SERINC5: variants seen among roughly 807,000 people sequenced by gnomAD.
The protein encoded by SERINC5 is serine incorporator 5.
Under a neutral mutation model 63.1 loss-of-function variants are expected in SERINC5, and 41 were observed. The ratio of observed to expected loss-of-function variants is 0.65; its 90% confidence interval spans 0.51 to 0.84. SERINC5 has a LOEUF of 0.84. SERINC5 is among the 40% of genes least tolerant of loss of function. SERINC5 has a pLI of 0.00. For synonymous variants in SERINC5, 222 were observed against 215.2 expected (o/e 1.03, Z -0.28); for missense variants, 523 against 573.0 (o/e 0.91, Z 0.89).
At chr5:80,183,895 C>G (rs1447921659) in intron 2 of SERINC5, among the ~76,000 whole-genome samples, 1 of 142,240 alleles carries the variant, frequency 7.0e-6, no homozygotes, top group African/African-American at 3.1e-5. Context: ...CACCGACGCG[C>G]ATGAAAGGAA....
At chr5:80,191,479 C>CAAAAAAAAAAAAAAAA (rs1167390197) in intron 2 of SERINC5, among the ~76,000 whole-genome samples, 1 of 38,536 alleles carries the variant, frequency 2.6e-5, no homozygotes, top group Non-Finnish European at 6.0e-5. Flanking sequence ...TCCATCTCTA[C>CAAAAAAAAAAAAAAAA]AAAAAAAAAA....
At chr5:80,244,074 G>T (rs1752060054) in intron 1 of SERINC5, among the ~76,000 whole-genome samples, 1 of 152,074 alleles carries the variant, frequency 6.6e-6, no homozygotes. Context: ...TTTAGGCCCA[G>T]CCCAGACCTC....
chr5:80,249,718 C>T (rs1011469684), intron 1 of SERINC5, among the ~76,000 whole-genome samples: 2 of 150,994 alleles, frequency 1.3e-5, no homozygotes, highest in Non-Finnish European at 3.0e-5. Flanking sequence ...AGGAGAACTG[C>T]TTGAACCTGG....
downstream of SERINC5, among the ~76,000 whole-genome samples, chr5:80,136,617 A>T (rs1745188576): frequency 6.6e-6 from 1 of 152,180 alleles, no homozygotes; most frequent in Non-Finnish European, 1.5e-5. Flanking sequence ...ATTACATCAA[A>T]CTGAAAAGCT....
chr5:80,236,590 A>T (rs1422383021), intron 1 of SERINC5, among the ~76,000 whole-genome samples: 1 of 146,984 alleles, frequency 6.8e-6, no homozygotes, highest in East Asian at 2.0e-4. Context: ...GTGCCATGGC[A>T]GCTCGGCTCA....
intron 2 of SERINC5, among the ~76,000 whole-genome samples, chr5:80,184,037 G>A (rs959587045): frequency 2.0e-5 from 3 of 152,072 alleles, no homozygotes; most frequent in Non-Finnish European, 2.9e-5. Context: ...TATGGTAGGG[G>A]ACACACACAA....
downstream of SERINC5, chr5:80,111,564 C>G (rs1744108752): frequency 6.6e-6 from 1 of 152,154 alleles, no homozygotes; most frequent in African/African-American, 2.4e-5. Context: ...CTTGCCACAG[C>G]ATGTTATCAG....
chr5:80,157,534 T>C (rs891368555), intron 8 of SERINC5: 1 of 46,292 alleles, frequency 2.2e-5, no homozygotes, highest in African/African-American at 9.4e-5. Flanking sequence ...TTTTTTTTTT[T>C]TTCGTAGAAA....
At chr5:80,206,111 A>G (rs1750151045) in intron 1 of SERINC5, among the ~76,000 whole-genome samples, 1 of 152,282 alleles carries the variant, frequency 6.6e-6, no homozygotes, top group East Asian at 1.9e-4. Flanking sequence ...CAACAGGGCA[A>G]TGCTACAAGA....
intron 2 of SERINC5, among the ~76,000 whole-genome samples, chr5:80,197,564 C>T (rs1011493431): frequency 3.3e-5 from 5 of 152,214 alleles, no homozygotes; most frequent in Admixed American, 2.6e-4. Context: ...ATATCTATGG[C>T]TCTTCCTACA....
At chr5:80,171,198 G>A (rs543508586) in intron 5 of SERINC5, among the ~76,000 whole-genome samples, 3 of 152,002 alleles carry the variant, frequency 2.0e-5, no homozygotes, top group Admixed American at 6.5e-5. Context: ...TAGTAAAGAC[G>A]GGGTTTCACC....
At chr5:80,132,652 T>C (rs1744994782) in intron 11 of SERINC5, among the ~76,000 whole-genome samples, 1 of 151,890 alleles carries the variant, frequency 6.6e-6, no homozygotes, top group South Asian at 2.1e-4. Flanking sequence ...TTTTGTAGAG[T>C]CAAGATCTCA....
At chr5:80,208,408 TATAA>T (rs1750273849) in intron 1 of SERINC5, among the ~76,000 whole-genome samples, 2 of 149,760 alleles carry the variant, frequency 1.3e-5, no homozygotes. Context: ...TTTTTAAAAA[TATAA>T]ATAAATAAAT....
At chr5:80,174,652 C>T (rs1747904453) in intron 5 of SERINC5, among the ~76,000 whole-genome samples, 1 of 151,740 alleles carries the variant, frequency 6.6e-6, no homozygotes, top group African/African-American at 2.4e-5. Flanking sequence ...GCCTGTAATC[C>T]CAGCACTTTG....
At chr5:80,242,409 G>A (rs1751980063) in intron 1 of SERINC5, among the ~76,000 whole-genome samples, 1 of 152,074 alleles carries the variant, frequency 6.6e-6, no homozygotes, top group African/African-American at 2.4e-5. Context: ...TTTGAGGTCA[G>A]GAGTTCGAGA....
At chr5:80,149,758 T>A (rs1030603117) in intron 9 of SERINC5, among the ~76,000 whole-genome samples, 1 of 152,162 alleles carries the variant, frequency 6.6e-6, no homozygotes, top group East Asian at 1.9e-4. Flanking sequence ...TTAAGTGAAA[T>A]CACATAGGAA....
chr5:80,231,918 T>A (rs532187173), intron 1 of SERINC5, among the ~76,000 whole-genome samples: 4 of 149,988 alleles, frequency 2.7e-5, no homozygotes, highest in African/African-American at 9.9e-5. Flanking sequence ...CTGGGCAACA[T>A]AGTGAGATCC....
At chr5:80,210,732 C>T (rs773383600) in intron 1 of SERINC5, among the ~76,000 whole-genome samples, 10 of 152,198 alleles carry the variant, frequency 6.6e-5, no homozygotes, top group Admixed American at 1.3e-4. Flanking sequence ...TAAGCCACAG[C>T]AACCAAGAGG....
intron 1 of SERINC5, among the ~76,000 whole-genome samples, chr5:80,216,549 C>T (rs1750672663): frequency 6.6e-6 from 1 of 152,096 alleles, no homozygotes; most frequent in Non-Finnish European, 1.5e-5. Context: ...TTCACTGGCA[C>T]CCACTGAGGC....
Sources: allele counts gnomAD v4.1 joint callset (sites outside exome capture counted in the v4.1 genomes callset), GRCh38; gene constraint gnomAD v4.1.1; transcripts MANE v1.5; gene names NCBI Gene and HGNC (gene_info 2026-07-23, HGNC 2026-07-21).